CEP57L1: variants seen among roughly 807,000 people sequenced by gnomAD.
The protein encoded by CEP57L1 is centrosomal protein CEP57L1.
A neutral mutation model predicts 61.0 loss-of-function variants in CEP57L1; 37 were observed. That is an observed-to-expected ratio of 0.61 (90% CI 0.47 to 0.80). The LOEUF is 0.80. CEP57L1 is among the 30% of genes least tolerant of loss of function. CEP57L1 has a pLI of 0.00. For synonymous variants in CEP57L1, 137 were observed against 162.3 expected, an observed-to-expected ratio of 0.84 and a Z score of 1.19; for missense variants, 422 against 524.7, an observed-to-expected ratio of 0.80 and a Z score of 1.91.
At position 109,131,809 on chromosome 6, in the gene CEP57L1, T is replaced by C. The variant is rs1020561019; in HGVS notation, c.-3-13410T>C. Among the ~76,000 whole-genome samples the C allele has an allele frequency of 3.9e-5, 6 of 152,122 alleles. No individual in the cohort carries two copies. The East Asian group carries it at 1.2e-3, about 29-fold the overall frequency. On this transcript the variant is annotated intron_variant, in intron 1 of 10. Coordinates refer to ENST00000517392, the MANE Select transcript of CEP57L1 (RefSeq NM_001271852.3). ...CCATAGAACCTCTTTACCTCTAAAGTTGCCTTCTGATACCTTATGGCTCAG... is the reference window on the plus strand; with the variant it reads ...CCATAGAACCTCTTTACCTCTAAAGCTGCCTTCTGATACCTTATGGCTCAG...
chr6:109,117,293 T>C (rs1352852715), intron 1 of CEP57L1, among the ~76,000 whole-genome samples: 1 of 152,252 alleles, frequency 6.6e-6, no homozygotes, highest in Non-Finnish European at 1.5e-5. Context: ...ATTGAACTTA[T>C]TGTGAATGCC....
intron 1 of CEP57L1, among the ~76,000 whole-genome samples, chr6:109,096,041 A>G (rs1781662978): frequency 6.6e-6 from 1 of 152,196 alleles, no homozygotes; most frequent in South Asian, 2.1e-4. Flanking sequence ...ATTCCTAGAT[A>G]GGAATTCTTG....
intron 1 of CEP57L1, among the ~76,000 whole-genome samples, chr6:109,108,401 AG>A (rs1210645526): frequency 6.6e-6 from 1 of 152,006 alleles, no homozygotes; most frequent in Non-Finnish European, 1.5e-5. Flanking sequence ...TAGCAGAGAC[AG>A]GGTTTCACTA....
At chr6:109,129,335 A>G (rs982125027) in intron 1 of CEP57L1, 1 of 1,159,708 alleles carries the variant, frequency 8.6e-7, no homozygotes, top group Admixed American at 3.2e-5. Context: ...ACTTGGATAT[A>G]ATAATATAGA....
intron 1 of CEP57L1, among the ~76,000 whole-genome samples, chr6:109,115,964 C>T (rs770713756): frequency 6.6e-6 from 1 of 152,036 alleles, no homozygotes; most frequent in South Asian, 2.1e-4. Context: ...AGACTACATA[C>T]ATTTTATAGA....
chr6:109,111,085 G>A (rs1008615993), intron 1 of CEP57L1, among the ~76,000 whole-genome samples: 22 of 152,132 alleles, frequency 1.4e-4, no homozygotes, highest in Non-Finnish European at 2.8e-4. Flanking sequence ...AGCTTGATCA[G>A]GATAGCATTA....
rs1583695682 is a variant in CEP57L1, at chr6:109,165,372, C to T, written c.*2402C>T. On this transcript the variant is annotated 3_prime_UTR_variant, in exon 11 of 11. Coordinates refer to ENST00000517392, the MANE Select transcript of CEP57L1 (RefSeq NM_001271852.3). ...GGAAAGCACCCAGCAGAAGAGTTGA[C>T]ACTTATTAAACACTCAATAAATATT... Among the ~76,000 whole-genome samples the T allele has an allele frequency of 1.4e-5, 2 of 147,878 alleles. No individual in the cohort carries two copies. Among genetic ancestry groups the T allele is most frequent in the Non-Finnish European group, 1.5e-5 (1 of 67,412 alleles).
intron 7 of CEP57L1, 81 bp from the exon 8 acceptor site, chr6:109,158,944 G>C (rs1562145565): frequency 7.1e-7 from 1 of 1,400,070 alleles, no homozygotes. Context: ...ATTGTTTTCT[G>C]TTGAGTTTTG....
chr6:109,134,081 C>A (rs1418727942), intron 1 of CEP57L1, among the ~76,000 whole-genome samples: 5 of 152,106 alleles, frequency 3.3e-5, no homozygotes, highest in Admixed American at 2.0e-4. Context: ...CATCATCCTG[C>A]TACCAAAACC....
intron 7 of CEP57L1, 45 bp downstream of exon 7, chr6:109,155,922 T>G (rs748715481): frequency 2.3e-6 from 2 of 866,532 alleles, no homozygotes. Context: ...CTGCTAATAC[T>G]TATTTATATA....
At chr6:109,103,914 T>C (rs1770615564) in intron 1 of CEP57L1, among the ~76,000 whole-genome samples, 1 of 152,092 alleles carries the variant, frequency 6.6e-6, no homozygotes, top group Non-Finnish European at 1.5e-5. Context: ...ATATTAAAAT[T>C]ATATGTCATT....
chr6:109,128,026 A>G (rs1232230774), intron 1 of CEP57L1, among the ~76,000 whole-genome samples: 2 of 152,010 alleles, frequency 1.3e-5, no homozygotes, highest in Non-Finnish European at 2.9e-5. Context: ...AGTCTCAGCT[A>G]CCTCTTTTGT....
At chr6:109,129,498 G>T in intron 1 of CEP57L1, 1 of 464,746 alleles carries the variant, frequency 2.2e-6, no homozygotes, top group South Asian at 1.5e-5. Context: ...TGAAGGTAGA[G>T]TACTCTTCTG....
At chr6:109,142,621 GAA>G (rs377523803) in intron 1 of CEP57L1, among the ~76,000 whole-genome samples, 10 of 140,666 alleles carry the variant, frequency 7.1e-5, no homozygotes, top group South Asian at 6.6e-4. Flanking sequence ...AAAATTTTAA[GAA>G]AAAAAAAAAA....
intron 1 of CEP57L1, among the ~76,000 whole-genome samples, chr6:109,122,853 C>T (rs1199454955): frequency 6.6e-6 from 1 of 152,056 alleles, no homozygotes; most frequent in East Asian, 1.9e-4. Flanking sequence ...GCCCCTACTA[C>T]CATCCTTCTT....
rs912050775 is a variant in CEP57L1, at chr6:109,164,380, A to G, written c.*1410A>G. On this transcript the variant is annotated 3_prime_UTR_variant, in exon 11 of 11. Coordinates refer to ENST00000517392, the MANE Select transcript of CEP57L1 (RefSeq NM_001271852.3). ...CCTGGAAGTGGGGAAGTGACTGAAG[A>G]TGGGCACATTGATGCTTGAAATTGT... Among the ~76,000 whole-genome samples the G allele has an allele frequency of 2.0e-5, 3 of 152,302 alleles. No homozygotes were observed. Among genetic ancestry groups the G allele is most frequent in the African/African-American group, 7.2e-5 (3 of 41,584 alleles).
chr6:109,096,209 A>G (rs976808917), intron 1 of CEP57L1, among the ~76,000 whole-genome samples: 5 of 152,248 alleles, frequency 3.3e-5, no homozygotes, highest in African/African-American at 1.2e-4. Context: ...CCATCAGTGG[A>G]CTGATAATCG....
At chr6:109,141,118 C>T (rs571391130) in intron 1 of CEP57L1, among the ~76,000 whole-genome samples, 1 of 151,918 alleles carries the variant, frequency 6.6e-6, no homozygotes, top group Non-Finnish European at 1.5e-5. Flanking sequence ...ACATGAGCCA[C>T]CGCGCCCAGC....
At chr6:109,095,398 C>T, upstream of CEP57L1, 1 of 985,910 alleles carries the variant, frequency 1.0e-6, no homozygotes, top group Admixed American at 6.1e-5. Flanking sequence ...CTCCAAACCC[C>T]AGATTTAAGT....
Sources: gnomAD v4.1 joint callset for allele counts (sites outside exome capture counted in the v4.1 genomes callset) on GRCh38, gnomAD v4.1.1 for gene constraint, MANE v1.5 for transcripts, NCBI Gene and HGNC (gene_info 2026-07-23, HGNC 2026-07-21) for gene names.